The following ACSL4 variants were observed in gnomAD, a reference collection of about 807,000 sequenced individuals.
ACSL4 encodes the protein acyl-CoA synthetase long chain family member 4, also known as long-chain-fatty-acid--CoA ligase 4.
A neutral mutation model predicts 49.1 loss-of-function variants in ACSL4; 9 were observed. That is an observed-to-expected ratio of 0.18 (90% confidence interval 0.11 to 0.32). The LOEUF (loss-of-function observed/expected upper bound fraction) is 0.32, where lower values mean the gene tolerates loss of function less well. Ranked by LOEUF, ACSL4 falls within the 10% of genes least tolerant of loss-of-function variation. ACSL4 has a pLI of 1.00. For missense variants in ACSL4, 333 were observed against 493.7 expected (o/e 0.67, Z 3.08); for synonymous variants, 191 against 170.3 (o/e 1.12, Z -0.95).
chrX:109,646,856 A>T (rs1466162407), intron 15 of ACSL4, among the ~76,000 whole-genome samples: 3 of 110,823 alleles, frequency 2.7e-5, no homozygotes, highest in African/African-American at 9.9e-5. Flanking sequence ...AACAAAAAAA[A>T]GGCAGGGGTT....
intron 8 of ACSL4, among the ~76,000 whole-genome samples, chrX:109,675,162 C>G (rs1237424364): frequency 8.9e-6 from 1 of 112,860 alleles, no homozygotes; most frequent in African/African-American, 3.2e-5. Context: ...GTACACCACA[C>G]ACAGGAGGGC....
At chrX:109,647,329 G>A (rs1048225728) in intron 15 of ACSL4, among the ~76,000 whole-genome samples, 15 of 111,896 alleles carry the variant, frequency 1.3e-4, no homozygotes, top group African/African-American at 4.6e-4. Context: ...CTGTCTCTCA[G>A]ACCACAGTGC....
intron 1 of ACSL4, among the ~76,000 whole-genome samples, chrX:109,726,857 T>G (rs1413128607): frequency 9.2e-6 from 1 of 108,795 alleles, no homozygotes; most frequent in African/African-American, 3.3e-5. Flanking sequence ...TTTGTTGTTT[T>G]TTGTTGTTGT....
At chrX:109,719,708 G>A (rs1021539910) in intron 1 of ACSL4, among the ~76,000 whole-genome samples, 9 of 112,238 alleles carry the variant, frequency 8.0e-5, no homozygotes, top group Admixed American at 2.8e-4. Flanking sequence ...ACTTTCCGCC[G>A]GGCGTGGTGG....
intron 11 of ACSL4, among the ~76,000 whole-genome samples, chrX:109,667,480 A>G (rs1028387609): frequency 1.8e-5 from 2 of 112,884 alleles, no homozygotes; most frequent in African/African-American, 6.4e-5. Context: ...CAGATTTAAG[A>G]GGGAGCATAA....
In ACSL4 at chrX:109,661,564, G is replaced by A; in HGVS notation, c.1664C>T (p.Pro555Leu). 8.3e-7 allele frequency: 1 copy of A among 1,208,546 alleles called. No individual in the cohort carries two copies. The highest frequency in any genetic ancestry group is 1.1e-6 in the Non-Finnish European group (1 of 893,095). ...GKVEAALKNC[P>L]LIDNICAFAK... ...AAAAGCACAGATGTTGTCAATAAGT[G>A]GACAATTCTTCAGTGCAGCTTCTAC... is the stretch of plus-strand genomic sequence containing the variant. The change falls in exon 14 of 16, where the codon CCA (proline) becomes CTA (leucine). Residue 555 changes from proline to leucine, a missense_variant. This residue lies in a region of ACSL4 where 175 missense variants were observed against 275.8 expected (regional missense o/e 0.63). Coordinates refer to ENST00000672401, the MANE Select transcript of ACSL4 (RefSeq NM_001318510.2).
At chrX:109,668,343 G>T in intron 10 of ACSL4, 70 bp from the exon 11 acceptor site, 1 of 958,271 alleles carries the variant, frequency 1.0e-6, no homozygotes, top group South Asian at 2.8e-5. Flanking sequence ...TAATTTATAA[G>T]CTCTGGGAAA....
At chrX:109,668,395 T>A in intron 10 of ACSL4, 122 bp from the exon 11 acceptor site, 1 of 606,810 alleles carries the variant, frequency 1.6e-6, no homozygotes, top group Non-Finnish European at 2.5e-6. Context: ...AGAATCACGG[T>A]GAGAATGAGA....
intron 1 of ACSL4, among the ~76,000 whole-genome samples, chrX:109,725,882 A>G (rs1927952062): frequency 9.0e-6 from 1 of 111,724 alleles, no homozygotes; most frequent in South Asian, 3.7e-4. Flanking sequence ...TCTCAAAACA[A>G]TTTGTTTCAT....
intron 11 of ACSL4, 89 bp from the exon 12 acceptor site, chrX:109,665,583 C>T (rs745837370): frequency 8.0e-5 from 64 of 804,717 alleles, no homozygotes; most frequent in Non-Finnish European, 1.1e-4. Context: ...GAACCAGAGT[C>T]AGAAAAATGA....
At chrX:109,710,587 A>G (rs754258596) in intron 1 of ACSL4, among the ~76,000 whole-genome samples, 1 of 113,091 alleles carries the variant, frequency 8.8e-6, no homozygotes, top group Admixed American at 9.4e-5. Context: ...AAACAGATAT[A>G]GGATAAATCA....
At chrX:109,647,436 C>T (rs184194815) in intron 15 of ACSL4, among the ~76,000 whole-genome samples, 3 of 111,658 alleles carry the variant, frequency 2.7e-5, no homozygotes, top group Admixed American at 9.5e-5. Context: ...GGGTACATAA[C>T]GAAATGAAGA....
At chrX:109,650,842 C>A (rs1361277340) in intron 15 of ACSL4, among the ~76,000 whole-genome samples, 1 of 111,896 alleles carries the variant, frequency 8.9e-6, no homozygotes, top group Admixed American at 9.5e-5. Context: ...GATTTTTTCA[C>A]TGCCATCCAT....
At chrX:109,647,442 G>A (rs751332110) in intron 15 of ACSL4, among the ~76,000 whole-genome samples, 3 of 111,917 alleles carry the variant, frequency 2.7e-5, no homozygotes, top group South Asian at 7.5e-4. Context: ...ATAACGAAAT[G>A]AAGACAGAAA....
intron 2 of ACSL4, among the ~76,000 whole-genome samples, chrX:109,687,444 G>T (rs1310404014): frequency 2.7e-5 from 3 of 111,847 alleles, no homozygotes; most frequent in African/African-American, 6.5e-5. Context: ...GATGAAGCTG[G>T]AAACCATCAT....
chrX:109,723,139 G>C (rs1569444065), intron 1 of ACSL4, among the ~76,000 whole-genome samples: 1 of 111,399 alleles, frequency 9.0e-6, no homozygotes, highest in Admixed American at 9.6e-5. Flanking sequence ...TTACAGTAGA[G>C]TGTTGTTGTA....
At chrX:109,678,490 A>G (rs1923912590) in intron 6 of ACSL4, 75 bp from the exon 7 acceptor site, 8 of 1,120,676 alleles carry the variant, frequency 7.1e-6, no homozygotes, top group Non-Finnish European at 9.8e-6. Flanking sequence ...TAGGATATTT[A>G]GATTTTGCAT....
chrX:109,730,965 C>A, intron 1 of ACSL4, among the ~76,000 whole-genome samples: 1 of 112,035 alleles, frequency 8.9e-6, no homozygotes, highest in Non-Finnish European at 1.9e-5. Context: ...CACACCCAGC[C>A]ATTCCCTTAT....
chrX:109,648,096 C>A (rs955180936), intron 15 of ACSL4, among the ~76,000 whole-genome samples: 6 of 111,832 alleles, frequency 5.4e-5, no homozygotes, highest in Non-Finnish European at 1.1e-4. Context: ...ATCAGAGGTA[C>A]AAGGAGGAAC....
Sources: gnomAD v4.1 joint callset for allele counts (sites outside exome capture counted in the v4.1 genomes callset) on GRCh38, gnomAD v4.1.1 for gene constraint, gnomAD v4.1.1 regional missense constraint, MANE v1.5 for transcripts, NCBI Gene and HGNC (gene_info 2026-07-23, HGNC 2026-07-21) for gene names.